The following ST6GALNAC3 variants were observed in gnomAD, a reference collection of about 807,000 sequenced individuals.
The protein encoded by ST6GALNAC3 is ST6 N-acetylgalactosaminide alpha-2,6-sialyltransferase 3, also known as alpha-N-acetylgalactosaminide alpha-2,6-sialyltransferase 3.
ST6GALNAC3 carries 25 observed loss-of-function variants against 32.7 expected under a neutral mutation model. That is an observed-to-expected ratio of 0.76 (90% CI 0.56 to 1.07). The LOEUF is 1.07. ST6GALNAC3 is among the 50% of genes least tolerant of loss of function. The pLI is 0.00. For missense variants in ST6GALNAC3, 355 were observed against 382.4 expected (o/e 0.93, Z 0.60); for synonymous variants, 129 against 133.1 (o/e 0.97, Z 0.21).
chr1:76,090,009 A>G (rs867629981), intron 1 of ST6GALNAC3, among the ~76,000 whole-genome samples: 5 of 152,296 alleles, frequency 3.3e-5, no homozygotes, highest in Middle Eastern at 3.4e-3. Flanking sequence ...CTGGGTGTGC[A>G]CTGAGAGTGT....
intron 3 of ST6GALNAC3, among the ~76,000 whole-genome samples, chr1:76,422,737 A>G (rs1199410873): frequency 6.6e-6 from 1 of 152,034 alleles, no homozygotes. Context: ...CGTGATAAAG[A>G]ATTCTAAGAT....
intron 3 of ST6GALNAC3, among the ~76,000 whole-genome samples, chr1:76,429,925 C>T (rs1655639976): frequency 6.6e-6 from 1 of 152,176 alleles, no homozygotes; most frequent in Admixed American, 6.5e-5. Context: ...GAAACATTCT[C>T]TCCCCAAGAG....
rs527679422 is a variant in ST6GALNAC3 at position 76,249,604 on chromosome 1, ATG to A, written c.19-64197_19-64196del. 5.9e-5 allele frequency among the ~76,000 whole-genome samples: 9 copies of A among 152,186 alleles called. No homozygotes were observed. The South Asian group carries it at 1.7e-3, about 28-fold the overall frequency. On this transcript the variant is annotated intron_variant, in intron 1 of 4. Transcript: ENST00000328299. ...ATTTATGTACAGGTTTTGTGTATAT[ATG>A]TGTCTTTAATTCTCTTGGGTATATA...
At chr1:76,078,868 C>T (rs890850324) in intron 1 of ST6GALNAC3, among the ~76,000 whole-genome samples, 2 of 152,116 alleles carry the variant, frequency 1.3e-5, no homozygotes, top group African/African-American at 4.8e-5. Context: ...GCAACCTCTG[C>T]CTCCTGGATT....
In ST6GALNAC3 at chr1:76,402,687, C is replaced by T. The variant is rs531241860; in HGVS notation, c.214-9321C>T. Reference sequence around the variant, plus strand: ...AAAATATTCTTTTTCAAAAGTTCATCCTATTTTAAAGTCTGTTAACTGTAA... The same window carrying T: ...AAAATATTCTTTTTCAAAAGTTCATTCTATTTTAAAGTCTGTTAACTGTAA... On this transcript the variant is annotated intron_variant, in intron 2 of 4. Transcript: ENST00000328299. 7.8e-4 allele frequency among the ~76,000 whole-genome samples: 119 copies of T among 152,094 alleles called. 1 individual carries two copies. The highest frequency in any genetic ancestry group is 1.2e-3 in the Non-Finnish European group (81 of 68,008).
chr1:76,606,073 C>G (rs1192257215), intron 3 of ST6GALNAC3, among the ~76,000 whole-genome samples: 1 of 151,950 alleles, frequency 6.6e-6, no homozygotes, highest in Non-Finnish European at 1.5e-5. Context: ...ACAACAGATG[C>G]TAGTGAGGCT....
chr1:76,424,928 A>T lies in ST6GALNAC3; in HGVS notation c.623+12511A>T, dbSNP rs1055281964. On this transcript the variant is annotated intron_variant, in intron 3 of 4. Coordinates refer to ENST00000328299, the MANE Select transcript of ST6GALNAC3 (RefSeq NM_152996.4). ...GTCTCTTTGTGGTTGCTAAAGCTAG[A>T]TGTGAACACCTCCGTGATATTTGCA... Among the ~76,000 whole-genome samples, 8 of 152,076 alleles carry T rather than the reference A, an allele frequency of 5.3e-5. No individual in the cohort carries two copies. In the East Asian group the frequency reaches 1.4e-3, roughly 26 times the overall value.
At chr1:76,484,291 G>A (rs915723600) in intron 3 of ST6GALNAC3, among the ~76,000 whole-genome samples, 2 of 152,140 alleles carry the variant, frequency 1.3e-5, no homozygotes, top group African/African-American at 4.8e-5. Flanking sequence ...GGATGGCATT[G>A]AATCTATAAA....
intron 1 of ST6GALNAC3, among the ~76,000 whole-genome samples, chr1:76,114,084 C>T (rs891477608): frequency 6.7e-6 from 1 of 149,658 alleles, no homozygotes; most frequent in Non-Finnish European, 1.5e-5. Flanking sequence ...TTCAGGTGAT[C>T]CACCCGCCTC....
chr1:76,371,589 C>G (rs1650821233), intron 2 of ST6GALNAC3, among the ~76,000 whole-genome samples: 1 of 152,074 alleles, frequency 6.6e-6, no homozygotes, highest in African/African-American at 2.4e-5. Flanking sequence ...GTGGTTGGGT[C>G]AGATTATGGA....
Position 76,350,088 on chromosome 1 carries a change from C to G in ST6GALNAC3, c.213+36089C>G, listed in dbSNP as rs6699620. On this transcript the variant is annotated intron_variant, in intron 2 of 4. Coordinates refer to ENST00000328299, the MANE Select transcript of ST6GALNAC3 (RefSeq NM_152996.4). ...GACTGTGTATTAGAAATTATTCACTCAAATGCATTATTCATGTAACATTTC... is the reference window on the plus strand; with the variant it reads ...GACTGTGTATTAGAAATTATTCACTGAAATGCATTATTCATGTAACATTTC... Among the ~76,000 whole-genome samples, 842 of 152,002 alleles carry G rather than the reference C, an allele frequency of 5.5e-3. 9 individuals are homozygous for G. Among genetic ancestry groups the G allele is most frequent in the African/African-American group, 0.019 (803 of 41,446 alleles).
chr1:76,573,328 T>A (rs973106829), intron 3 of ST6GALNAC3, among the ~76,000 whole-genome samples: 1 of 152,112 alleles, frequency 6.6e-6, no homozygotes, highest in African/African-American at 2.4e-5. Flanking sequence ...TCATTGCATC[T>A]CCTGCCTCCT....
At chr1:76,416,877 T>C (rs78648120) in intron 3 of ST6GALNAC3, among the ~76,000 whole-genome samples, 6,127 of 152,072 alleles carry the variant, frequency 0.04, 434 homozygotes, top group African/African-American at 0.14. Context: ...CCATCTTCCT[T>C]AGGCTCCCAA....
At chr1:76,147,053 TC>T (rs1650729623) in intron 1 of ST6GALNAC3, among the ~76,000 whole-genome samples, 1 of 145,432 alleles carries the variant, frequency 6.9e-6, no homozygotes, top group Non-Finnish European at 1.5e-5. Context: ...TACTGATCAC[TC>T]CCCCCACTTC....
chr1:76,126,061 T>C (rs1649219108), intron 1 of ST6GALNAC3, among the ~76,000 whole-genome samples: 1 of 152,208 alleles, frequency 6.6e-6, no homozygotes, highest in Non-Finnish European at 1.5e-5. Context: ...CTTAAGTTAA[T>C]ATAGAGACCC....
intron 2 of ST6GALNAC3, among the ~76,000 whole-genome samples, chr1:76,361,997 A>G (rs1649996676): frequency 6.6e-6 from 1 of 150,390 alleles, no homozygotes; most frequent in Non-Finnish European, 1.5e-5. Context: ...AAAAAAAGAG[A>G]GAAAGAAAGA....
At chr1:76,112,713 G>T (rs1169261984) in intron 1 of ST6GALNAC3, among the ~76,000 whole-genome samples, 1 of 151,644 alleles carries the variant, frequency 6.6e-6, no homozygotes, top group Non-Finnish European at 1.5e-5. Context: ...GGGCGGCCGG[G>T]CAGAGACGCT....
At chr1:76,103,831 T>C (rs1243445184) in intron 1 of ST6GALNAC3, among the ~76,000 whole-genome samples, 3 of 152,226 alleles carry the variant, frequency 2.0e-5, no homozygotes, top group South Asian at 4.1e-4. Flanking sequence ...TAAGAATACA[T>C]GTGATTGCAT....
intron 2 of ST6GALNAC3, among the ~76,000 whole-genome samples, chr1:76,396,991 A>G (rs2101186841): frequency 6.6e-6 from 1 of 152,326 alleles, no homozygotes; most frequent in Non-Finnish European, 1.5e-5. Context: ...ATGGCACTTC[A>G]TTAAAGCAGT....
Sources: allele counts gnomAD v4.1 joint callset (sites outside exome capture counted in the v4.1 genomes callset), GRCh38; gene constraint gnomAD v4.1.1; transcripts MANE v1.5; gene names NCBI Gene and HGNC (gene_info 2026-07-23, HGNC 2026-07-21).